The following RAB25 variants were observed in gnomAD, a reference collection of about 807,000 sequenced individuals.
RAB25 encodes RAB25, member RAS oncogene family.
In RAB25, 23 loss-of-function variants were observed where a neutral mutation model predicts 25.2. The ratio of observed to expected loss-of-function variants is 0.91; its 90% CI spans 0.66 to 1.29. The LOEUF is 1.29. Among genes scored for constraint, RAB25 ranks in the 50% most tolerant of loss-of-function variants. The pLI is 0.00. For missense variants in RAB25, 244 were observed against 277.3 expected, an observed-to-expected ratio of 0.88 and a Z score of 0.85; for synonymous variants, 102 against 111.5, an observed-to-expected ratio of 0.91 and a Z score of 0.54.
chr1:156,064,386 A>G (rs909787162), intron 1 of RAB25, among the ~76,000 whole-genome samples: 3 of 147,930 alleles, frequency 2.0e-5, no homozygotes, highest in Non-Finnish European at 3.0e-5. Flanking sequence ...GACTACATGC[A>G]TGTGCCACCA....
intron 3 of RAB25, among the ~76,000 whole-genome samples, chr1:156,069,397 T>A (rs886216844): frequency 6.6e-6 from 1 of 152,096 alleles, no homozygotes; most frequent in Admixed American, 6.5e-5. Flanking sequence ...GCCAAGCCGG[T>A]CTTGAACTCC....
intron 1 of RAB25, among the ~76,000 whole-genome samples, chr1:156,062,522 C>T (rs548496526): frequency 6.6e-5 from 10 of 152,136 alleles, no homozygotes; most frequent in Admixed American, 2.0e-4. Context: ...CTCCAGAACC[C>T]GCCCTTGAGC....
Position 156,070,251 on chromosome 1 carries a change from C to T in RAB25, c.606C>T (p.Gly202=), listed in dbSNP as rs767326403. 2.5e-6 allele frequency: 4 copies of T among 1,614,020 alleles called. No homozygotes were observed. The highest frequency in any genetic ancestry group is 3.4e-6 in the Non-Finnish European group (4 of 1,179,968). ...GTGCCCAGGCTGGACAGGAGCCTGG[C>T]CCTGGGGAGAAGAGGGCCTGTTGCA... The part of the protein sequence containing the change: ...LGSAQAGQEP[G]PGEKRACCIS... The change falls in exon 5 of 5, where the codon GGC becomes GGT. Residue 202 remains glycine (G), a synonymous_variant. Transcript: ENST00000361084.
chr1:156,067,964 GC>G (rs2102771317), intron 2 of RAB25, among the ~76,000 whole-genome samples: 2 of 152,242 alleles, frequency 1.3e-5, no homozygotes, highest in East Asian at 3.9e-4. Flanking sequence ...TATTGGTTAG[GC>G]TAGTCTTGAA....
At chr1:156,069,511 G>C (rs1387383017) in intron 3 of RAB25, among the ~76,000 whole-genome samples, 160 bp from the exon 4 acceptor site, 1 of 152,164 alleles carries the variant, frequency 6.6e-6, no homozygotes, top group Non-Finnish European at 1.5e-5. Context: ...TCTGGATTCA[G>C]TTTTCTAAAT....
In RAB25 at chr1:156,069,726, G is replaced by A. The variant is rs1242563611; in HGVS notation, c.489G>A (p.Glu163=). ...CAGCCCTGGACTCTACCAATGTTGA[G>A]CTAGCCTTTGAGACTGTCCTGAAAG... ...ETSALDSTNV[E]LAFETVLKEI... The change falls in exon 4 of 5, where the codon GAG becomes GAA. Residue 163 remains glutamate (E), a synonymous_variant. Coordinates refer to ENST00000361084, the MANE Select transcript of RAB25 (RefSeq NM_020387.4). 6.2e-7 allele frequency: 1 copy of A among 1,612,994 alleles called. No individual in the cohort carries two copies. The highest frequency in any genetic ancestry group is 1.7e-5 in the Admixed American group (1 of 60,002).
chr1:156,061,473 G>A (rs1336902791), intron 1 of RAB25, 30 bp downstream of exon 1: 1 of 1,609,244 alleles, frequency 6.2e-7, no homozygotes, highest in Admixed American at 1.7e-5. Context: ...GCAAGAGGAA[G>A]CCTGAGAGAC....
rs752421466 is a variant in RAB25, at chr1:156,068,476, C to A, written c.433+13C>A. ...CGAATGTTCGCTGGTGAGAGCCTGC[C>A]ACTACCCAGGCTGACTCCTCCAAGC... On this transcript the variant is annotated intron_variant, in intron 3 of 4. Transcript: ENST00000361084. 11 of 1,608,468 alleles carry A rather than the reference C, an allele frequency of 6.8e-6. No homozygotes were observed. The highest frequency in any genetic ancestry group is 9.3e-6 in the Non-Finnish European group (11 of 1,177,092).
chr1:156,061,536 C>T (rs1647581034), intron 1 of RAB25, 93 bp downstream of exon 1: 1 of 1,314,602 alleles, frequency 7.6e-7, no homozygotes, highest in Admixed American at 1.7e-5. Context: ...TTTTTTATCT[C>T]TTACCAAGAC....
rs1271062457 is a variant in RAB25, at chr1:156,066,083, G to GCGGTAC, written c.219_224dup (p.Tyr74_Arg75dup). 1 of 1,598,750 alleles carries GCGGTAC rather than the reference G, an allele frequency of 6.3e-7. No homozygotes were observed. On this transcript the variant is annotated inframe_insertion, in exon 2 of 5. Coordinates refer to ENST00000361084, the MANE Select transcript of RAB25 (RefSeq NM_020387.4). ...AGATCTGGGACACAGCTGGCCTGGA[G>GCGGTAC]CGGTACCGAGCCATCACCTCGGCGT...
chr1:156,069,728 T>G lies in RAB25; in HGVS notation c.491T>G (p.Leu164Arg), dbSNP rs756180463. 1 of 1,612,968 alleles carries G rather than the reference T, an allele frequency of 6.2e-7. No homozygotes were observed. Among genetic ancestry groups the G allele is most frequent in the South Asian group, 1.1e-5 (1 of 91,058 alleles). Residue 164 changes from leucine to arginine, a missense_variant, in exon 4 of 5, where the codon CTA becomes CGA. Leu to Arg is a moderately radical substitution (Grantham distance 102). Transcript: ENST00000361084. ...TSALDSTNVELAFETVLKEIF... is the reference protein window; with the variant it reads ...TSALDSTNVERAFETVLKEIF... ...GCCCTGGACTCTACCAATGTTGAGC[T>G]AGCCTTTGAGACTGTCCTGAAAGGT...
chr1:156,061,713 T>G lies in RAB25; in HGVS notation c.43+270T>G, dbSNP rs569115784. Reference sequence around the variant, plus strand: ...TTAGGCTCCTCTGCCCCGTTCCTAATAGAAACCCAAATCCCTGGTGTCAGC... The same window carrying G: ...TTAGGCTCCTCTGCCCCGTTCCTAAGAGAAACCCAAATCCCTGGTGTCAGC... On this transcript the variant is annotated intron_variant, in intron 1 of 4. Transcript: ENST00000361084. 1.2e-3 allele frequency among the ~76,000 whole-genome samples: 177 copies of G among 152,222 alleles called. 1 individual carries two copies. The highest frequency in any genetic ancestry group is 4.1e-3 in the African/African-American group (170 of 41,546).
chr1:156,061,288 G>A lies in RAB25; in HGVS notation c.-113G>A, dbSNP rs889893913. On this transcript the variant is annotated 5_prime_UTR_variant, in exon 1 of 5. Transcript: ENST00000361084. Reference sequence around the variant, plus strand: ...GCAGAAGTCCCCTTACCCCCAATGAGAGGAGGGGCAGGACCAGATCTTTTG... The same window carrying A: ...GCAGAAGTCCCCTTACCCCCAATGAAAGGAGGGGCAGGACCAGATCTTTTG... 5 of 1,116,988 alleles carry A rather than the reference G, an allele frequency of 4.5e-6. No homozygotes were observed. The African/African-American group carries it at 6.2e-5, about 14-fold the overall frequency. 69.2% of individuals were successfully genotyped at this position (1,116,988 alleles called of 1,614,324 possible).
At chr1:156,066,659 C>T (rs1371353357) in intron 2 of RAB25, among the ~76,000 whole-genome samples, 2 of 152,186 alleles carry the variant, frequency 1.3e-5, no homozygotes, top group Non-Finnish European at 2.9e-5. Flanking sequence ...GTCTCTTAGG[C>T]CGGGTGTGTT....
In RAB25 at chr1:156,068,441, T is replaced by C. The variant is rs1237918816; in HGVS notation, c.411T>C (p.Thr137=). 2 of 1,613,454 alleles carry C rather than the reference T, an allele frequency of 1.2e-6. No homozygotes were observed. Among genetic ancestry groups the C allele is most frequent in the Non-Finnish European group, 1.7e-6 (2 of 1,179,922 alleles). The part of the protein sequence containing the change: ...SDLSQAREVP[T]EEARMFAENN... ...TCAGCCAGGCCCGGGAAGTGCCCAC[T>C]GAGGAGGCCCGAATGTTCGCTGGTG... Residue 137 remains threonine, a synonymous_variant, in exon 3 of 5, where the codon ACT becomes ACC. Coordinates refer to ENST00000361084, the MANE Select transcript of RAB25 (RefSeq NM_020387.4).
intron 2 of RAB25, among the ~76,000 whole-genome samples, chr1:156,066,691 C>A (rs951696478): frequency 2.6e-5 from 4 of 152,178 alleles, no homozygotes; most frequent in Admixed American, 1.3e-4. Context: ...GTAATCCCAG[C>A]ACTTTGGGAG....
Position 156,070,183 on chromosome 1 carries a change from C to T in RAB25, c.538C>T (p.Gln180Ter). The T allele has an allele frequency of 1.2e-6, 2 of 1,614,096 alleles. No homozygotes were observed. The highest frequency in any genetic ancestry group is 1.7e-6 in the Non-Finnish European group (2 of 1,180,004). ...AGAAATCTTTGCGAAGGTGTCCAAG[C>T]AGAGACAGAACAGCATCCGGACCAA... Reference protein sequence around the residue: ...LKEIFAKVSKQRQNSIRTNAI... With the variant: ...LKEIFAKVSK The change falls in exon 5 of 5, where the codon CAG (glutamine) becomes TAG (stop). Residue 180 changes from glutamine to a stop codon, truncating the protein, a stop_gained. Transcript: ENST00000361084. LOFTEE classifies it high-confidence loss of function.
Position 156,070,295 on chromosome 1 carries a change from C to T in RAB25, c.*8C>T. On this transcript the variant is annotated 3_prime_UTR_variant, in exon 5 of 5. Coordinates refer to ENST00000361084, the MANE Select transcript of RAB25 (RefSeq NM_020387.4). ...TGTTGCATCAGCCTCTGACCTTGGC[C>T]AGCACCACCTGCCCCCACTGGCTTT... is the stretch of plus-strand genomic sequence containing the variant. 6.2e-7 allele frequency: 1 copy of T among 1,612,172 alleles called. No individual in the cohort carries two copies. The highest frequency in any genetic ancestry group is 1.7e-5 in the Admixed American group (1 of 59,906).
chr1:156,069,601 C>A lies in RAB25; in HGVS notation c.434-70C>A, dbSNP rs1334501364. Reference sequence around the variant, plus strand: ...TTTAGCACATGGCAAATGTATATAGCAAACATTAATATTATTATTATTATT... The same window carrying A: ...TTTAGCACATGGCAAATGTATATAGAAAACATTAATATTATTATTATTATT... On this transcript the variant is annotated intron_variant, in intron 3 of 4. Transcript: ENST00000361084. 6.4e-6 allele frequency: 8 copies of A among 1,246,156 alleles called. No individual in the cohort carries two copies. In the Admixed American group the frequency reaches 6.9e-5, roughly 11 times the overall value. 77.2% of individuals were successfully genotyped at this position (1,246,156 alleles called of 1,614,324 possible). A position where few individuals can be genotyped will look rare whatever the true frequency, so the allele number is the denominator to read the frequency against.
Sources: allele counts gnomAD v4.1 joint callset (sites outside exome capture counted in the v4.1 genomes callset), GRCh38; gene constraint gnomAD v4.1.1; transcripts MANE v1.5; gene names NCBI Gene and HGNC (gene_info 2026-07-23, HGNC 2026-07-21).